Variants in OR9Q1 observed in about 807,000 individuals in gnomAD.
OR9Q1 encodes olfactory receptor 9Q1.
For missense variants in OR9Q1, 374 were observed against 378.8 expected, an observed-to-expected ratio of 0.99 and a Z score of 0.11; for synonymous variants, 153 against 148.6, an observed-to-expected ratio of 1.03 and a Z score of -0.22.
intron 2 of OR9Q1, among the ~76,000 whole-genome samples, chr11:58,135,476 C>A (rs1196009351): frequency 6.6e-6 from 1 of 152,166 alleles, no homozygotes; most frequent in Admixed American, 6.5e-5. Context: ...GCCAAGGCAT[C>A]TTGTACCTCA....
chr11:58,158,890 G>A (rs1471165649), intron 2 of OR9Q1, among the ~76,000 whole-genome samples: 2 of 152,212 alleles, frequency 1.3e-5, no homozygotes, highest in Non-Finnish European at 2.9e-5. Flanking sequence ...TGTGCAGAGA[G>A]AAGCAGAAAT....
chr11:58,173,172 C>T (rs1272066499), intron 2 of OR9Q1, among the ~76,000 whole-genome samples: 1 of 151,898 alleles, frequency 6.6e-6, no homozygotes, highest in Non-Finnish European at 1.5e-5. Context: ...TTCTAGGGTA[C>T]ATGTGCACTA....
Position 58,038,819 on chromosome 11 carries a change from G to A in OR9Q1, c.-93+14715G>A, listed in dbSNP as rs141059630. 1.6e-3 allele frequency among the ~76,000 whole-genome samples: 246 copies of A among 151,998 alleles called. 5 individuals carry two copies. Among genetic ancestry groups the A allele is most frequent in the African/African-American group, 4.6e-3 (189 of 41,474 alleles). ...GTACCTGTGCTGGGATTTCTATTTC[G>A]TTTTTCAGGGTTCTTAGTCTTTTTA... is the stretch of plus-strand genomic sequence containing the variant. On this transcript the variant is annotated intron_variant, in intron 1 of 2. Transcript: ENST00000335397.
At position 58,024,050 on chromosome 11, in the gene OR9Q1, G is replaced by A. The variant is rs1852946180; in HGVS notation, c.-147G>A. 6.6e-6 allele frequency: 1 copy of A among 152,262 alleles called. No homozygotes were observed. Among genetic ancestry groups the A allele is most frequent in the South Asian group, 2.1e-4 (1 of 4,824 alleles). The allele number at this position is 152,262 out of a possible 1,614,324, so 9.4% of individuals were successfully genotyped here. Reference sequence around the variant, plus strand: ...CTTCCCGTTTGAAGATGAAGACACTGAGGCTCAGAAAGATCAAACGCCTTT... The same window carrying A: ...CTTCCCGTTTGAAGATGAAGACACTAAGGCTCAGAAAGATCAAACGCCTTT... On this transcript the variant is annotated 5_prime_UTR_variant, in exon 1 of 3. Transcript: ENST00000335397.
chr11:58,164,944 T>C lies in OR9Q1; in HGVS notation c.-14-14487T>C, dbSNP rs139493076. ...ATAACTTGCTCTCTTCTCTCTTGATTCCTTCAAATCTTTGCTCACTTATTA... is the reference window on the plus strand; with the variant it reads ...ATAACTTGCTCTCTTCTCTCTTGATCCCTTCAAATCTTTGCTCACTTATTA... On this transcript the variant is annotated intron_variant, in intron 2 of 2. Transcript: ENST00000335397. Among the ~76,000 whole-genome samples, 8 of 152,334 alleles carry C rather than the reference T, an allele frequency of 5.3e-5. No homozygotes were observed. In the East Asian group the frequency reaches 1.5e-3, roughly 29 times the overall value.
At chr11:58,170,269 G>A (rs1322229501) in intron 2 of OR9Q1, among the ~76,000 whole-genome samples, 1 of 152,038 alleles carries the variant, frequency 6.6e-6, no homozygotes, top group Non-Finnish European at 1.5e-5. Context: ...TAAGGATCCA[G>A]GCAACATCTA....
intron 2 of OR9Q1, among the ~76,000 whole-genome samples, chr11:58,169,498 A>C (rs1380318561): frequency 6.6e-6 from 1 of 152,100 alleles, no homozygotes; most frequent in Admixed American, 6.6e-5. Context: ...AACTCTGGGA[A>C]GCGTAGCAGG....
chr11:58,069,733 C>T (rs1192766214), intron 2 of OR9Q1, among the ~76,000 whole-genome samples: 1 of 151,686 alleles, frequency 6.6e-6, no homozygotes, highest in Admixed American at 6.6e-5. Context: ...AATTAGGGTG[C>T]AGTGGTACAT....
chr11:58,156,588 T>C (rs760214049), intron 2 of OR9Q1, among the ~76,000 whole-genome samples: 6 of 152,222 alleles, frequency 3.9e-5, no homozygotes, highest in Non-Finnish European at 5.9e-5. Flanking sequence ...TGTAATTGTA[T>C]AGGTATTTTA....
chr11:58,090,274 G>C (rs1853671715), intron 2 of OR9Q1, among the ~76,000 whole-genome samples: 1 of 152,134 alleles, frequency 6.6e-6, no homozygotes, highest in Admixed American at 6.6e-5. Context: ...TATGATATTG[G>C]CTGTGGTTTT....
At chr11:58,061,982 G>A (rs189753809) in intron 2 of OR9Q1, among the ~76,000 whole-genome samples, 8 of 152,256 alleles carry the variant, frequency 5.3e-5, no homozygotes, top group South Asian at 2.1e-4. Context: ...AGTGGTACGT[G>A]AGCAACAAGA....
At position 58,120,803 on chromosome 11, in the gene OR9Q1, C is replaced by CATATATATATATATATAT. The variant is rs61634454; in HGVS notation, c.-14-58620_-14-58603dup. Among the ~76,000 whole-genome samples, 423 of 132,568 alleles carry CATATATATATATATATAT rather than the reference C, an allele frequency of 3.2e-3. 5 individuals are homozygous for CATATATATATATATATAT. Among genetic ancestry groups the CATATATATATATATATAT allele is most frequent in the Middle Eastern group, 7.7e-3 (2 of 260 alleles). 87.0% of individuals were successfully genotyped at this position (132,568 alleles called of 152,430 possible). A position where few individuals can be genotyped will look rare whatever the true frequency, so the allele number is the denominator to read the frequency against. On this transcript the variant is annotated intron_variant, in intron 2 of 2. Transcript: ENST00000335397. ...TATATTTGTATCTTTATTTCAATAC[C>CATATATATATATATATAT]ATATATATATATATATATATATATA...
chr11:58,089,776 T>C (rs556268326), intron 2 of OR9Q1, among the ~76,000 whole-genome samples: 1 of 152,070 alleles, frequency 6.6e-6, no homozygotes, highest in African/African-American at 2.4e-5. Flanking sequence ...TGATTCTTCC[T>C]ATCCATGATC....
At chr11:58,174,225 T>A (rs917804148) in intron 2 of OR9Q1, among the ~76,000 whole-genome samples, 1 of 152,184 alleles carries the variant, frequency 6.6e-6, no homozygotes, top group African/African-American at 2.4e-5. Context: ...GCTTGTGTAA[T>A]GGGGCTTTGT....
intron 2 of OR9Q1, among the ~76,000 whole-genome samples, chr11:58,154,292 G>T (rs1452319596): frequency 1.3e-5 from 2 of 152,046 alleles, no homozygotes; most frequent in Non-Finnish European, 2.9e-5. Context: ...TAGCCCAGTG[G>T]CCTGGAGACA....
At chr11:58,113,381 G>C (rs1853920439) in intron 2 of OR9Q1, among the ~76,000 whole-genome samples, 1 of 152,136 alleles carries the variant, frequency 6.6e-6, no homozygotes, top group Non-Finnish European at 1.5e-5. Flanking sequence ...ATTCATGAAA[G>C]TACAAACCAG....
At chr11:58,093,719 C>T (rs1260320927) in intron 2 of OR9Q1, among the ~76,000 whole-genome samples, 2 of 125,178 alleles carry the variant, frequency 1.6e-5, no homozygotes, top group East Asian at 2.5e-4. Flanking sequence ...AAGATCACAC[C>T]ATTGCACTCC....
chr11:58,052,875 A>C (rs2119970168), intron 1 of OR9Q1, among the ~76,000 whole-genome samples: 1 of 152,030 alleles, frequency 6.6e-6, no homozygotes, highest in African/African-American at 2.4e-5. Flanking sequence ...CCATCAGAGA[A>C]ATGCAAATCA....
At chr11:58,032,309 T>C (rs1339541940) in intron 1 of OR9Q1, among the ~76,000 whole-genome samples, 1 of 152,076 alleles carries the variant, frequency 6.6e-6, no homozygotes, top group African/African-American at 2.4e-5. Flanking sequence ...AAAGCAATCC[T>C]AAGCAAAAAA....
Sources: allele counts gnomAD v4.1 joint callset (sites outside exome capture counted in the v4.1 genomes callset), GRCh38; gene constraint gnomAD v4.1.1; transcripts MANE v1.5; gene names NCBI Gene and HGNC (gene_info 2026-07-23, HGNC 2026-07-21).